Variants in NTRK2 observed in about 807,000 individuals in gnomAD.
The protein encoded by NTRK2 is neurotrophic receptor tyrosine kinase 2, also known as BDNF/NT-3 growth factors receptor.
In NTRK2, 13 loss-of-function variants were observed where a neutral mutation model predicts 94.5. That is an observed-to-expected ratio of 0.14 (90% CI 0.09 to 0.22). The LOEUF (loss-of-function observed/expected upper bound fraction) is 0.22, where lower values mean the gene tolerates loss of function less well. Among genes scored for constraint, NTRK2 ranks in the 10% least tolerant of loss-of-function variants. NTRK2 has a pLI of 1.00. For missense variants in NTRK2, 639 were observed against 1,071.2 expected, an observed-to-expected ratio of 0.60 and a Z score of 5.63; for synonymous variants, 372 against 407.4, an observed-to-expected ratio of 0.91 and a Z score of 1.05.
chr9:84,738,155 C>T (rs1003059502), intron 9 of NTRK2, among the ~76,000 whole-genome samples: 7 of 151,412 alleles, frequency 4.6e-5, no homozygotes, highest in African/African-American at 7.4e-5. Context: ...TAAGGCTTGA[C>T]GCTACTTCTT....
chr9:84,940,798 G>A (rs968505633), intron 15 of NTRK2, among the ~76,000 whole-genome samples: 1 of 150,956 alleles, frequency 6.6e-6, no homozygotes. Flanking sequence ...GCTCTACCCA[G>A]GTAAGGTTAT....
At chr9:84,805,657 T>C (rs2071022807) in intron 12 of NTRK2, among the ~76,000 whole-genome samples, 2 of 152,222 alleles carry the variant, frequency 1.3e-5, no homozygotes, top group South Asian at 2.1e-4. Context: ...TTGTCCCCTC[T>C]GAAACTCATG....
chr9:84,877,016 T>C lies in NTRK2; in HGVS notation c.1633+9585T>C, dbSNP rs200181098. ...ATATTGGTGATACATAGCTATGCCA[T>C]TGATTTCCATACTCCTGAGCTTTGG... On this transcript the variant is annotated intron_variant, in intron 14 of 18. Transcript: ENST00000277120. 3.8e-6 allele frequency: 4 copies of C among 1,062,022 alleles called. No homozygotes were observed. In the Admixed American group the frequency reaches 1.6e-4, roughly 43 times the overall value. 65.8% of individuals were successfully genotyped at this position (1,062,022 alleles called of 1,614,324 possible).
intron 12 of NTRK2, among the ~76,000 whole-genome samples, chr9:84,766,229 C>T (rs1471183354): frequency 3.9e-5 from 6 of 152,012 alleles, no homozygotes; most frequent in South Asian, 2.1e-4. Context: ...GGAGGGAGCT[C>T]GCTGATGTCC....
At chr9:84,872,608 T>C (rs995420786) in intron 14 of NTRK2, 1 of 1,064,700 alleles carries the variant, frequency 9.4e-7, no homozygotes, top group African/African-American at 1.6e-5. Flanking sequence ...TCTGACTTTT[T>C]TTTTTTCAAC....
chr9:84,817,993 T>C (rs922106476), intron 12 of NTRK2, among the ~76,000 whole-genome samples: 2 of 152,214 alleles, frequency 1.3e-5, no homozygotes, highest in Non-Finnish European at 2.9e-5. Context: ...ATTTTACTAT[T>C]GCTACCACCT....
At chr9:84,934,624 G>A (rs926224047) in intron 15 of NTRK2, among the ~76,000 whole-genome samples, 89 of 152,270 alleles carry the variant, frequency 5.8e-4, no homozygotes, top group African/African-American at 2.0e-3. Context: ...AGACTCACAT[G>A]TGTCTCCTCA....
At chr9:84,731,022 G>C (rs79118939) in intron 9 of NTRK2, among the ~76,000 whole-genome samples, 1 of 151,776 alleles carries the variant, frequency 6.6e-6, no homozygotes, top group Non-Finnish European at 1.5e-5. Flanking sequence ...GAAGTTTCCC[G>C]GCTTACAAGG....
chr9:84,866,406 A>G (rs1295983473), intron 13 of NTRK2, among the ~76,000 whole-genome samples: 1 of 152,226 alleles, frequency 6.6e-6, no homozygotes, highest in Non-Finnish European at 1.5e-5. Flanking sequence ...GTAGAGGTCC[A>G]AAGAAAGTAA....
At position 84,724,360 on chromosome 9, in the gene NTRK2, C is replaced by T. The variant is rs752190523; in HGVS notation, c.853+4C>T. ...TCTGTCAACCTCACTGTGCATTGTACGTAATCAGACTGGCATGTGTTTTTA... is the reference window on the plus strand; with the variant it reads ...TCTGTCAACCTCACTGTGCATTGTATGTAATCAGACTGGCATGTGTTTTTA... On this transcript the variant is annotated splice_donor_region_variant and intron_variant, in intron 8 of 18. Coordinates refer to ENST00000277120, the MANE Select transcript of NTRK2 (RefSeq NM_006180.6). 4.3e-6 allele frequency: 7 copies of T among 1,613,928 alleles called. No individual in the cohort carries two copies. The highest frequency in any genetic ancestry group is 1.7e-5 in the Admixed American group (1 of 60,000).
rs1240467112 is a variant in NTRK2 at position 85,023,123 on chromosome 9, T to C, written c.*1686T>C. ...ACTGGAAGTGTGCTTCTAGGCATAG[T>C]CATTGGTTTTGCAAAAAGAGGGCTC... On this transcript the variant is annotated 3_prime_UTR_variant, in exon 19 of 19. Coordinates refer to ENST00000277120, the MANE Select transcript of NTRK2 (RefSeq NM_006180.6). The C allele has an allele frequency of 4.3e-6, 1 of 233,018 alleles. No homozygotes were observed. Among genetic ancestry groups the C allele is most frequent in the Middle Eastern group, 1.3e-3 (1 of 784 alleles). 14.4% of individuals were successfully genotyped at this position (233,018 alleles called of 1,614,324 possible).
At chr9:84,996,268 A>G (rs1829738223) in intron 17 of NTRK2, among the ~76,000 whole-genome samples, 1 of 152,250 alleles carries the variant, frequency 6.6e-6, no homozygotes, top group Non-Finnish European at 1.5e-5. Context: ...TTAGTGCAGC[A>G]TGAAAGACGT....
At chr9:84,947,176 G>A (rs963966412) in intron 15 of NTRK2, among the ~76,000 whole-genome samples, 14 of 152,004 alleles carry the variant, frequency 9.2e-5, no homozygotes, top group Admixed American at 3.3e-4. Context: ...GGCTGATCTC[G>A]AACTCCTGAC....
intron 17 of NTRK2, among the ~76,000 whole-genome samples, chr9:85,010,841 A>G (rs1010241636): frequency 1.3e-5 from 2 of 152,218 alleles, no homozygotes; most frequent in Non-Finnish European, 2.9e-5. Context: ...AGATGAAATT[A>G]TAATCGCTTC....
chr9:84,724,689 C>G (rs769701878), intron 8 of NTRK2, among the ~76,000 whole-genome samples: 1 of 152,128 alleles, frequency 6.6e-6, no homozygotes, highest in Non-Finnish European at 1.5e-5. Flanking sequence ...AAATCAGTTT[C>G]TAAAACTTTC....
intron 2 of NTRK2, among the ~76,000 whole-genome samples, chr9:84,688,010 C>T (rs929984891): frequency 6.6e-6 from 1 of 152,162 alleles, no homozygotes; most frequent in African/African-American, 2.4e-5. Flanking sequence ...CCCCCTTTCC[C>T]TTACACTGCT....
chr9:84,926,802 C>A (rs904657479), intron 14 of NTRK2, among the ~76,000 whole-genome samples: 23 of 152,322 alleles, frequency 1.5e-4, no homozygotes, highest in African/African-American at 5.1e-4. Context: ...GGAAATTACA[C>A]CTATTTGTCA....
chr9:84,808,498 C>G (rs2071386104), intron 12 of NTRK2, among the ~76,000 whole-genome samples: 1 of 152,172 alleles, frequency 6.6e-6, no homozygotes, highest in African/African-American at 2.4e-5. Context: ...TATATTAATA[C>G]TCATATTGTT....
At chr9:84,814,291 G>C (rs200411580) in intron 12 of NTRK2, 3 of 1,065,214 alleles carry the variant, frequency 2.8e-6, no homozygotes, top group African/African-American at 1.6e-5. Context: ...GAGCAGAGGC[G>C]ACACCTCTTC....
Sources: allele counts gnomAD v4.1 joint callset (sites outside exome capture counted in the v4.1 genomes callset), GRCh38; gene constraint gnomAD v4.1.1; transcripts MANE v1.5; gene names NCBI Gene and HGNC (gene_info 2026-07-23, HGNC 2026-07-21).